Variants in HIPK3 observed in about 807,000 individuals in gnomAD.
HIPK3 encodes the protein homeodomain interacting protein kinase 3.
Under a neutral mutation model 124.2 loss-of-function variants are expected in HIPK3, and 47 were observed. The ratio of observed to expected loss-of-function variants is 0.38; its 90% CI spans 0.30 to 0.48. The LOEUF is 0.48. Among genes scored for constraint, HIPK3 ranks in the 20% least tolerant of loss-of-function variants. HIPK3 has a pLI of 0.98. For synonymous variants in HIPK3, 482 were observed against 515.2 expected (o/e 0.94, Z 0.87); for missense variants, 1,286 against 1,454.3 (o/e 0.88, Z 1.88).
intron 1 of HIPK3, among the ~76,000 whole-genome samples, chr11:33,276,941 A>G (rs181053342): frequency 2.6e-4 from 39 of 152,192 alleles, no homozygotes; most frequent in African/African-American, 8.9e-4. Context: ...CTGACCTCAA[A>G]TGATTCACCA....
chr11:33,337,662 T>TTC (rs965606567), intron 4 of HIPK3, among the ~76,000 whole-genome samples: 72 of 151,232 alleles, frequency 4.8e-4, no homozygotes, highest in African/African-American at 1.7e-3. Flanking sequence ...GGCCCCGTCC[T>TTC]TCTCTCTCTC....
intron 8 of HIPK3, among the ~76,000 whole-genome samples, chr11:33,342,380 CAA>C (rs1853361344): frequency 6.6e-6 from 1 of 152,018 alleles, no homozygotes; most frequent in Non-Finnish European, 1.5e-5. Context: ...AAATTTTGGT[CAA>C]AAGAGTTTTG....
chr11:33,283,573 G>A (rs1008669321), intron 1 of HIPK3, among the ~76,000 whole-genome samples: 9 of 152,092 alleles, frequency 5.9e-5, no homozygotes, highest in Non-Finnish European at 1.0e-4. Context: ...GTATAAATTT[G>A]CACCTTTTAT....
intron 2 of HIPK3, among the ~76,000 whole-genome samples, chr11:33,301,156 T>C (rs1270150768): frequency 6.6e-6 from 1 of 152,218 alleles, no homozygotes; most frequent in African/African-American, 2.4e-5. Context: ...TTAGCCACAA[T>C]ATGTTACTTA....
chr11:33,341,019 A>C lies in HIPK3; in HGVS notation c.1665A>C (p.Ser555=). 1.9e-6 allele frequency: 3 copies of C among 1,607,978 alleles called. No individual in the cohort carries two copies. Among genetic ancestry groups the C allele is most frequent in the Non-Finnish European group, 2.6e-6 (3 of 1,174,786 alleles). Residue 555 remains serine, a synonymous_variant, in exon 7 of 17, where the codon TCA becomes TCC. Transcript: ENST00000303296. ...IMDICKSHLN[S]CDTNNHNKTS... is the part of the protein sequence containing the mutation. The stretch of plus-strand genomic sequence containing the variant: ...ATATTTGTAAGTCCCACCTAAATTC[A>C]TGTGACACAAATAATCACAACAAAA...
At position 33,257,688 on chromosome 11, in the gene HIPK3, G is replaced by A. The variant is rs905162584; in HGVS notation, c.-204G>A. 2.0e-6 allele frequency: 2 copies of A among 992,962 alleles called. No homozygotes were observed. Among genetic ancestry groups the A allele is most frequent in the Non-Finnish European group, 1.2e-6 (1 of 835,980 alleles). The allele number at this position is 992,962 out of a possible 1,614,324, so 61.5% of individuals were successfully genotyped here. A position where few individuals can be genotyped will look rare whatever the true frequency, so the allele number is the denominator to read the frequency against. Reference sequence around the variant, plus strand: ...CCAGAGCAGCAGCAGCAGCAGCAGCGGTCGGGGGAGGGTGTTTCGCCGTTT... The same window carrying A: ...CCAGAGCAGCAGCAGCAGCAGCAGCAGTCGGGGGAGGGTGTTTCGCCGTTT... On this transcript the variant is annotated 5_prime_UTR_variant, in exon 1 of 17. Transcript: ENST00000303296.
In HIPK3 at chr11:33,353,233, C is replaced by A; in HGVS notation, c.3313C>A (p.His1105Asn). 6.2e-7 allele frequency: 1 copy of A among 1,614,098 alleles called. No homozygotes were observed. The highest frequency in any genetic ancestry group is 8.5e-7 in the Non-Finnish European group (1 of 1,179,990). Residue 1105 changes from histidine (H) to asparagine (N), a missense_variant, in exon 17 of 17, where the codon CAC becomes AAC. Physicochemically the swap from His to Asn is moderately conservative, Grantham distance 68. This residue lies in a region of HIPK3 where 810 missense variants were observed against 864.9 expected (regional missense o/e 0.94). Transcript: ENST00000303296. ...TCCCAATCACACAGCAGTGCATGCC[C>A]ACCTGGCTGGAAATACACACCTCGG... ...GSPNHTAVHA[H>N]LAGNTHLGGQ...
chr11:33,290,454 TG>T (rs1296294881), intron 2 of HIPK3, among the ~76,000 whole-genome samples: 1 of 152,088 alleles, frequency 6.6e-6, no homozygotes, highest in African/African-American at 2.4e-5. Flanking sequence ...GATTCTGTCT[TG>T]AGAGCTTTTA....
rs769240306 is a variant in HIPK3, at chr11:33,352,229, A to G, written c.3135A>G (p.Thr1045=). 6.2e-7 allele frequency: 1 copy of G among 1,614,132 alleles called. No individual in the cohort carries two copies. Among genetic ancestry groups the G allele is most frequent in the South Asian group, 1.1e-5 (1 of 91,086 alleles). ...TGGGTACTCGTCAGCAAAAATTGAC[A>G]TCAGCATTCCAGCAGCAGCATTTGA... is the stretch of plus-strand genomic sequence containing the variant. The part of the protein sequence containing the change: ...SAVGTRQQKL[T]SAFQQQHLNF... The change falls in exon 16 of 17, where the codon ACA becomes ACG. Residue 1045 remains threonine (T), a synonymous_variant. Transcript: ENST00000303296.
intron 2 of HIPK3, among the ~76,000 whole-genome samples, chr11:33,295,316 A>G (rs1203898119): frequency 4.5e-5 from 5 of 110,280 alleles, no homozygotes. Context: ...CGCCCATGGC[A>G]TCCGAAGGAC....
intron 2 of HIPK3, among the ~76,000 whole-genome samples, chr11:33,311,863 CACACACT>C (rs1237590195): frequency 2.3e-4 from 34 of 147,442 alleles, no homozygotes; most frequent in African/African-American, 7.7e-4. Flanking sequence ...CACACACACA[CACACACT>C]ACACACACAC....
At chr11:33,281,754 G>A (rs931317690) in intron 1 of HIPK3, among the ~76,000 whole-genome samples, 1 of 151,928 alleles carries the variant, frequency 6.6e-6, no homozygotes. Flanking sequence ...TTTTCAGGTA[G>A]CAGTATTCAG....
At chr11:33,330,480 CACCA>C (rs1268586184) in intron 3 of HIPK3, among the ~76,000 whole-genome samples, 1 of 152,164 alleles carries the variant, frequency 6.6e-6, no homozygotes, top group African/African-American at 2.4e-5. Context: ...AGGCACACAC[CACCA>C]TGCCCGGCCA....
intron 2 of HIPK3, among the ~76,000 whole-genome samples, chr11:33,313,621 G>T (rs904115270): frequency 6.6e-6 from 1 of 151,994 alleles, no homozygotes; most frequent in African/African-American, 2.4e-5. Flanking sequence ...CAACTTTTCT[G>T]TAAGTCTAAA....
chr11:33,325,407 G>A (rs1852780712), intron 2 of HIPK3, among the ~76,000 whole-genome samples: 1 of 152,086 alleles, frequency 6.6e-6, no homozygotes. Flanking sequence ...TATACACACA[G>A]TAATAGGCCT....
At chr11:33,346,154 CT>C (rs1565097437) in intron 8 of HIPK3, among the ~76,000 whole-genome samples, 1 of 152,160 alleles carries the variant, frequency 6.6e-6, no homozygotes, top group Non-Finnish European at 1.5e-5. Context: ...TGTGATACTA[CT>C]TTGCTCTCTC....
Position 33,292,126 on chromosome 11 carries a change from A to G in HIPK3, c.1097+4615A>G, listed in dbSNP as rs181721115. On this transcript the variant is annotated intron_variant, in intron 2 of 16. Transcript: ENST00000303296. ...GTATGTATAATGCATCATTTTTTCA[A>G]AGTGCCTTTCGTTATATTTTCTAGT... 8.6e-4 allele frequency among the ~76,000 whole-genome samples: 131 copies of G among 152,244 alleles called. 1 individual carries two copies. The highest frequency in any genetic ancestry group is 4.4e-3 in the South Asian group (21 of 4,826).
chr11:33,324,543 CT>C (rs1386349409), intron 2 of HIPK3, among the ~76,000 whole-genome samples: 1 of 152,188 alleles, frequency 6.6e-6, no homozygotes, highest in Non-Finnish European at 1.5e-5. Flanking sequence ...TCAGAATCCC[CT>C]TCAAGAGAGT....
At position 33,336,382 on chromosome 11, in the gene HIPK3, C is replaced by T. The variant is rs529811439; in HGVS notation, c.1222-693C>T. ...TATCAGTGTCTCAAAAAAGTGTTTC[C>T]TCCAAACTCCCACCATAGTAATTCA... On this transcript the variant is annotated intron_variant, in intron 3 of 16. Coordinates refer to ENST00000303296, the MANE Select transcript of HIPK3 (RefSeq NM_005734.5). 1.1e-4 allele frequency among the ~76,000 whole-genome samples: 17 copies of T among 152,320 alleles called. No individual in the cohort carries two copies. In the East Asian group the frequency reaches 2.3e-3, roughly 21 times the overall value.
Sources: gnomAD v4.1 joint callset for allele counts (sites outside exome capture counted in the v4.1 genomes callset) on GRCh38, gnomAD v4.1.1 for gene constraint, gnomAD v4.1.1 regional missense constraint, MANE v1.5 for transcripts, NCBI Gene and HGNC (gene_info 2026-07-23, HGNC 2026-07-21) for gene names.